Variants in RASGRF2 observed in about 807,000 individuals in gnomAD.
The protein encoded by RASGRF2 is ras-specific guanine nucleotide-releasing factor 2.
In RASGRF2, 76 loss-of-function variants were observed where a neutral mutation model predicts 151.0. That is an observed-to-expected ratio of 0.50 (90% confidence interval 0.42 to 0.61). The LOEUF (loss-of-function observed/expected upper bound fraction) is 0.61, where lower values mean the gene tolerates loss of function less well. Among genes scored for constraint, RASGRF2 ranks in the 20% least tolerant of loss-of-function variants. The pLI, the probability that RASGRF2 is intolerant of heterozygous loss-of-function variation, is 0.00. For synonymous variants in RASGRF2, 504 were observed against 566.5 expected (o/e 0.89, Z 1.57); for missense variants, 1,148 against 1,564.6 (o/e 0.73, Z 4.49).
chr5:81,191,026 C>T (rs1356584631), intron 18 of RASGRF2, among the ~76,000 whole-genome samples: 2 of 152,188 alleles, frequency 1.3e-5, no homozygotes, highest in Non-Finnish European at 2.9e-5. Flanking sequence ...CTTGTAATCA[C>T]TCTTGGACCT....
intron 15 of RASGRF2, chr5:81,114,678 T>G (rs1220298224): frequency 6.6e-6 from 1 of 152,474 alleles, no homozygotes; most frequent in African/African-American, 2.4e-5. Flanking sequence ...ACTAGGCTAC[T>G]GTTACATTGA....
At chr5:81,167,273 A>G (rs773890227) in intron 17 of RASGRF2, among the ~76,000 whole-genome samples, 3 of 152,192 alleles carry the variant, frequency 2.0e-5, no homozygotes, top group Non-Finnish European at 4.4e-5. Flanking sequence ...CAACCAATTT[A>G]TCCAAGGCCT....
chr5:80,961,940 A>G (rs922932905), intron 1 of RASGRF2, among the ~76,000 whole-genome samples: 4 of 152,198 alleles, frequency 2.6e-5, no homozygotes, highest in Admixed American at 2.0e-4. Flanking sequence ...TAGCTTCTCA[A>G]TCCCCACCTT....
chr5:80,967,932 G>C (rs978787191), intron 1 of RASGRF2, among the ~76,000 whole-genome samples: 1 of 152,240 alleles, frequency 6.6e-6, no homozygotes, highest in African/African-American at 2.4e-5. Flanking sequence ...TGCTGGTGTT[G>C]TGTATGGTTC....
intron 1 of RASGRF2, among the ~76,000 whole-genome samples, chr5:80,995,401 C>T (rs857668): frequency 0.1 from 1,630 of 15,704 alleles, 20 homozygotes; most frequent in Admixed American, 0.13. Context: ...TATATATATA[C>T]ACACACACAC....
intron 17 of RASGRF2, among the ~76,000 whole-genome samples, chr5:81,140,629 C>G (rs950646783): frequency 7.2e-5 from 11 of 152,194 alleles, no homozygotes; most frequent in African/African-American, 2.7e-4. Flanking sequence ...ACAGAGATAT[C>G]TTTGCTGTGC....
intron 20 of RASGRF2, 104 bp downstream of exon 20, chr5:81,207,009 C>G (rs373217220): frequency 2.9e-6 from 3 of 1,021,024 alleles, no homozygotes; most frequent in Non-Finnish European, 4.6e-6. Flanking sequence ...GTATTAGGCC[C>G]TCTGTCCTAT....
chr5:81,164,268 C>A (rs933716310), intron 17 of RASGRF2, among the ~76,000 whole-genome samples: 2 of 152,158 alleles, frequency 1.3e-5, no homozygotes, highest in Non-Finnish European at 2.9e-5. Context: ...ATCTTCATTT[C>A]TTCAAGACTG....
At chr5:81,107,075 T>C (rs1432482168) in intron 12 of RASGRF2, among the ~76,000 whole-genome samples, 2 of 151,870 alleles carry the variant, frequency 1.3e-5, no homozygotes, top group Non-Finnish European at 2.9e-5. Context: ...TTAAAGATAT[T>C]GTTGGCCAGG....
rs74479515 is a variant in RASGRF2 at position 81,108,340 on chromosome 5, C to T, written c.1756-656C>T. ...AAGGCAGAGAAAATTAGCACAGCTT[C>T]CTGAACTCTCCTCTTGGAAAAGAGA... On this transcript the variant is annotated intron_variant, in intron 12 of 26. Transcript: ENST00000265080. Among the ~76,000 whole-genome samples, 780 of 132,476 alleles carry T rather than the reference C, an allele frequency of 5.9e-3. 8 individuals are homozygous for T. The highest frequency in any genetic ancestry group is 0.019 in the African/African-American group (730 of 37,972). 86.9% of individuals were successfully genotyped at this position (132,476 alleles called of 152,430 possible). A position where few individuals can be genotyped will look rare whatever the true frequency, so the allele number is the denominator to read the frequency against.
intron 9 of RASGRF2, among the ~76,000 whole-genome samples, chr5:81,092,314 ATGTAT>A (rs10536056): frequency 0.39 from 59,516 of 151,296 alleles, 12,138 homozygotes; most frequent in Middle Eastern, 0.64. Context: ...TATAATATAC[ATGTAT>A]TGTACATTCT....
intron 4 of RASGRF2, among the ~76,000 whole-genome samples, chr5:81,072,103 A>C (rs1333568138): frequency 6.6e-6 from 1 of 152,168 alleles, no homozygotes; most frequent in Non-Finnish European, 1.5e-5. Flanking sequence ...GCATGGAAAA[A>C]AGTGTTAACA....
At chr5:81,063,323 T>G (rs1751499784) in intron 2 of RASGRF2, among the ~76,000 whole-genome samples, 1 of 152,148 alleles carries the variant, frequency 6.6e-6, no homozygotes, top group African/African-American at 2.4e-5. Flanking sequence ...CTCGGCTCAC[T>G]GCAACCTCTG....
chr5:81,034,816 A>AGGGGGGGG, intron 1 of RASGRF2, among the ~76,000 whole-genome samples: 1 of 117,608 alleles, frequency 8.5e-6, no homozygotes, highest in East Asian at 2.5e-4. Flanking sequence ...GGAGGGGGGT[A>AGGGGGGGG]GGGATAGCAT....
chr5:81,068,791 G>A (rs145660941), intron 3 of RASGRF2, among the ~76,000 whole-genome samples: 39 of 152,180 alleles, frequency 2.6e-4, no homozygotes, highest in African/African-American at 7.9e-4. Context: ...AGCAGAAGGC[G>A]GTTTTAGAGT....
intron 25 of RASGRF2, 101 bp downstream of exon 25, chr5:81,217,574 CTTTTTTTTTTTTTTT>C (rs71603577): frequency 5.8e-6 from 1 of 173,806 alleles, no homozygotes; most frequent in Admixed American, 1.1e-4. Context: ...TTTTTCTCTT[CTTTTTTTTTTTTTTT>C]TTTTTTTTGA....
chr5:80,961,126 G>A, intron 1 of RASGRF2, 100 bp downstream of exon 1: 1 of 1,297,532 alleles, frequency 7.7e-7, no homozygotes, highest in East Asian at 2.7e-5. Flanking sequence ...GAAAGAGTGC[G>A]GGGACTATGC....
intron 1 of RASGRF2, among the ~76,000 whole-genome samples, chr5:80,999,785 G>A (rs547586231): frequency 6.6e-6 from 1 of 152,232 alleles, no homozygotes; most frequent in East Asian, 1.9e-4. Flanking sequence ...TTTTTATTTT[G>A]TTTTGTTTTT....
intron 17 of RASGRF2, among the ~76,000 whole-genome samples, chr5:81,175,136 CT>C (rs1162168079): frequency 6.6e-6 from 1 of 152,210 alleles, no homozygotes; most frequent in Non-Finnish European, 1.5e-5. Flanking sequence ...CTTTGGTTTC[CT>C]GTTTCTTTGC....
Sources: allele counts gnomAD v4.1 joint callset (sites outside exome capture counted in the v4.1 genomes callset), GRCh38; gene constraint gnomAD v4.1.1; transcripts MANE v1.5; gene names NCBI Gene and HGNC (gene_info 2026-07-23, HGNC 2026-07-21).